The following NKAIN2 variants were observed in gnomAD, a reference collection of about 807,000 sequenced individuals.
The protein encoded by NKAIN2 is sodium/potassium transporting ATPase interacting 2, also known as sodium/potassium-transporting ATPase subunit beta-1-interacting protein 2.
In NKAIN2, 14 loss-of-function variants were observed where a neutral mutation model predicts 32.6. The observed-to-expected ratio is 0.43, with a 90% confidence interval of 0.28 to 0.67. The LOEUF (loss-of-function observed/expected upper bound fraction) is 0.67, where lower values mean the gene tolerates loss of function less well. Ranked by LOEUF, NKAIN2 falls within the 30% of genes least tolerant of loss-of-function variation. The pLI is 0.17. For synonymous variants in NKAIN2, 80 were observed against 87.2 expected, an observed-to-expected ratio of 0.92 and a Z score of 0.46; for missense variants, 198 against 258.3, an observed-to-expected ratio of 0.77 and a Z score of 1.60.
At chr6:124,047,255 C>A (rs1399143836) in intron 1 of NKAIN2, among the ~76,000 whole-genome samples, 1 of 151,994 alleles carries the variant, frequency 6.6e-6, no homozygotes, top group Non-Finnish European at 1.5e-5. Flanking sequence ...TGGAGCCTCT[C>A]AGATCTTGGC....
chr6:124,014,031 C>CACACTTATTATTA (rs1419805662), intron 1 of NKAIN2, among the ~76,000 whole-genome samples: 2 of 152,144 alleles, frequency 1.3e-5, no homozygotes, highest in Non-Finnish European at 2.9e-5. Flanking sequence ...GTTCTTTAAG[C>CACACTTATTATTA]CACTAGGTGT....
At chr6:124,399,300 A>T (rs1430571114) in intron 3 of NKAIN2, among the ~76,000 whole-genome samples, 2 of 152,132 alleles carry the variant, frequency 1.3e-5, no homozygotes, top group Admixed American at 6.5e-5. Context: ...GGCTTAGCAG[A>T]TCTCTACTTT....
intron 4 of NKAIN2, among the ~76,000 whole-genome samples, chr6:124,665,465 T>C (rs1254954375): frequency 1.3e-5 from 2 of 152,124 alleles, no homozygotes; most frequent in Non-Finnish European, 2.9e-5. Flanking sequence ...TTTCCAAATA[T>C]ATGGGAGCAG....
intron 1 of NKAIN2, among the ~76,000 whole-genome samples, chr6:123,818,445 T>C (rs1422245997): frequency 6.6e-6 from 1 of 151,832 alleles, no homozygotes; most frequent in African/African-American, 2.4e-5. Context: ...AATATTAAGC[T>C]ATTAACATTT....
At chr6:124,605,681 T>C (rs1055309413) in intron 3 of NKAIN2, among the ~76,000 whole-genome samples, 2 of 152,054 alleles carry the variant, frequency 1.3e-5, no homozygotes, top group Non-Finnish European at 2.9e-5. Flanking sequence ...AATGAGAAAA[T>C]GTAATTTTAT....
chr6:124,808,960 C>T (rs1780738328), intron 5 of NKAIN2, among the ~76,000 whole-genome samples: 1 of 152,108 alleles, frequency 6.6e-6, no homozygotes, highest in Admixed American at 6.6e-5. Context: ...GAACTACAAC[C>T]CACTGCTCAA....
intron 3 of NKAIN2, among the ~76,000 whole-genome samples, chr6:124,474,876 T>TATATAC (rs1562207712): frequency 2.2e-4 from 7 of 31,220 alleles, no homozygotes; most frequent in Admixed American, 2.7e-4. Flanking sequence ...ATACATATAT[T>TATATAC]GTATATTATA....
At chr6:124,270,823 G>C (rs1170325049) in intron 1 of NKAIN2, among the ~76,000 whole-genome samples, 1 of 152,126 alleles carries the variant, frequency 6.6e-6, no homozygotes, top group Non-Finnish European at 1.5e-5. Context: ...AAGAGATATG[G>C]GAATAGATTG....
intron 4 of NKAIN2, among the ~76,000 whole-genome samples, chr6:124,665,479 G>C (rs1024374852): frequency 2.0e-5 from 3 of 152,070 alleles, no homozygotes; most frequent in South Asian, 2.1e-4. Context: ...GGAGCAGAAG[G>C]GGGCAGTACT....
At chr6:124,319,329 G>A (rs181751704) in intron 2 of NKAIN2, among the ~76,000 whole-genome samples, 22 of 152,152 alleles carry the variant, frequency 1.4e-4, no homozygotes, top group Middle Eastern at 6.8e-3. Flanking sequence ...TGGAGAAAAC[G>A]CAAATGCTGG....
At chr6:124,534,003 A>G (rs1779623526) in intron 3 of NKAIN2, among the ~76,000 whole-genome samples, 1 of 152,226 alleles carries the variant, frequency 6.6e-6, no homozygotes, top group Non-Finnish European at 1.5e-5. Flanking sequence ...CCACTTCCTG[A>G]TGCCATCAAA....
At chr6:124,766,335 C>T (rs952340795) in intron 4 of NKAIN2, among the ~76,000 whole-genome samples, 15 of 152,252 alleles carry the variant, frequency 9.9e-5, no homozygotes, top group African/African-American at 3.4e-4. Flanking sequence ...AGAGGACCTA[C>T]GGTTGCCCTG....
chr6:124,512,353 G>C (rs1019747547), intron 3 of NKAIN2, among the ~76,000 whole-genome samples: 16 of 152,086 alleles, frequency 1.1e-4, no homozygotes, highest in African/African-American at 3.9e-4. Context: ...ATCTGAGAAG[G>C]ATTTAAGCAA....
intron 1 of NKAIN2, among the ~76,000 whole-genome samples, chr6:124,210,233 G>A: frequency 6.6e-6 from 1 of 151,428 alleles, no homozygotes; most frequent in Admixed American, 6.6e-5. Flanking sequence ...TATGTTCTCG[G>A]CACTTTTTCA....
chr6:124,646,788 TA>T (rs1203332207), intron 3 of NKAIN2, among the ~76,000 whole-genome samples: 2 of 151,876 alleles, frequency 1.3e-5, no homozygotes, highest in East Asian at 3.9e-4. Context: ...TCATCTCTAC[TA>T]AAAATACAAA....
chr6:123,918,505 A>G (rs146602180), intron 1 of NKAIN2, among the ~76,000 whole-genome samples: 1 of 152,330 alleles, frequency 6.6e-6, no homozygotes, highest in East Asian at 1.9e-4. Context: ...CTTTTCATCA[A>G]TTGCAACCAG....
At chr6:124,053,635 C>G (rs970858485) in intron 1 of NKAIN2, among the ~76,000 whole-genome samples, 1 of 152,040 alleles carries the variant, frequency 6.6e-6, no homozygotes, top group Non-Finnish European at 1.5e-5. Context: ...ACAAGAAGAG[C>G]TAGTTTCCTA....
At chr6:124,146,504 A>T (rs529206859) in intron 1 of NKAIN2, among the ~76,000 whole-genome samples, 1 of 152,326 alleles carries the variant, frequency 6.6e-6, no homozygotes, top group East Asian at 1.9e-4. Flanking sequence ...GGTGCCTACC[A>T]GAAGACACAG....
intron 1 of NKAIN2, among the ~76,000 whole-genome samples, chr6:123,936,466 T>C (rs1223486468): frequency 1.3e-5 from 2 of 152,242 alleles, no homozygotes; most frequent in Middle Eastern, 3.4e-3. Context: ...CATGGAAATA[T>C]CTGCAGTGTC....
Sources: gnomAD v4.1 joint callset for allele counts (sites outside exome capture counted in the v4.1 genomes callset) on GRCh38, gnomAD v4.1.1 for gene constraint, MANE v1.5 for transcripts, NCBI Gene and HGNC (gene_info 2026-07-23, HGNC 2026-07-21) for gene names.